TCERG1L: variants seen among roughly 807,000 people sequenced by gnomAD.
TCERG1L encodes the protein transcription elongation regulator 1 like.
TCERG1L carries 37 observed loss-of-function variants against 56.3 expected under a neutral mutation model. That is an observed-to-expected ratio of 0.66 (90% CI 0.51 to 0.87). The LOEUF (loss-of-function observed/expected upper bound fraction) is 0.87. TCERG1L is among the 40% of genes least tolerant of loss of function. TCERG1L has a pLI of 0.00. For synonymous variants in TCERG1L, 324 were observed against 326.3 expected (o/e 0.99, Z 0.08); for missense variants, 799 against 774.2 (o/e 1.03, Z -0.38).
chr10:131,113,446 T>C lies in TCERG1L; in HGVS notation c.1395+3353A>G, dbSNP rs1400326314. On this transcript the variant is annotated intron_variant, in intron 9 of 11. Coordinates refer to ENST00000368642, the MANE Select transcript of TCERG1L (RefSeq NM_174937.4). ...AGGGAAGGGCACCAGATGTTACTCA[T>C]CCGGGGAGACGGACAGGGCAAGGCT... is the stretch of plus-strand genomic sequence containing the variant. Among the ~76,000 whole-genome samples, 3 of 142,030 alleles carry C rather than the reference T, an allele frequency of 2.1e-5. 1 individual carries two copies. The highest frequency in any genetic ancestry group is 1.4e-4 in the Admixed American group (2 of 14,428). 93.2% of individuals were successfully genotyped at this position (142,030 alleles called of 152,430 possible).
intron 4 of TCERG1L, among the ~76,000 whole-genome samples, chr10:131,258,936 G>A (rs1846204452): frequency 6.6e-6 from 1 of 152,088 alleles, no homozygotes; most frequent in Non-Finnish European, 1.5e-5. Context: ...CAATGTACTA[G>A]TAGGTTTAAC....
intron 4 of TCERG1L, among the ~76,000 whole-genome samples, chr10:131,241,926 A>T (rs1564823711): frequency 6.6e-6 from 1 of 152,146 alleles, no homozygotes; most frequent in Non-Finnish European, 1.5e-5. Flanking sequence ...ACAGTAACAC[A>T]AACTCAGTGA....
chr10:131,290,921 T>G (rs1216903920), intron 3 of TCERG1L, among the ~76,000 whole-genome samples: 2 of 152,196 alleles, frequency 1.3e-5, no homozygotes, highest in Non-Finnish European at 2.9e-5. Flanking sequence ...ATTTAAAGGA[T>G]CTAAAAGTTA....
At chr10:131,107,554 G>C (rs1361336027) in intron 9 of TCERG1L, among the ~76,000 whole-genome samples, 2 of 152,122 alleles carry the variant, frequency 1.3e-5, no homozygotes, top group Non-Finnish European at 2.9e-5. Context: ...GTGTGAAACA[G>C]GGTCTTTCCC....
intron 4 of TCERG1L, among the ~76,000 whole-genome samples, chr10:131,224,827 T>C (rs542048708): frequency 6.6e-6 from 1 of 150,404 alleles, no homozygotes; most frequent in East Asian, 2.0e-4. Flanking sequence ...TAACAACCTC[T>C]GGCAAGATCT....
At chr10:131,232,516 A>C (rs564913674) in intron 4 of TCERG1L, among the ~76,000 whole-genome samples, 115 of 152,362 alleles carry the variant, frequency 7.5e-4, no homozygotes, top group South Asian at 1.9e-3. Context: ...AATCCATCTC[A>C]TGTGCTTTGG....
In TCERG1L at chr10:131,166,822, C is replaced by T. The variant is rs1455647837; in HGVS notation, c.920G>A (p.Ser307Asn). ...CTTGTCTTCTTTGTCTCCATCCCGG[C>T]TCTTCTGGGCCCGCAGCATCAGGGC... is the stretch of plus-strand genomic sequence containing the variant. ...PPALMLRAQK[S>N]RDGDKEDKEP... The change falls in exon 5 of 12, where the codon AGC becomes AAC. Residue 307 changes from serine (S) to asparagine (N), a missense_variant. Physicochemically the swap from Ser to Asn is conservative, Grantham distance 46. Coordinates refer to ENST00000368642, the MANE Select transcript of TCERG1L (RefSeq NM_174937.4). The T allele has an allele frequency of 6.2e-7, 1 of 1,613,916 alleles. No homozygotes were observed. The highest frequency in any genetic ancestry group is 2.2e-5 in the East Asian group (1 of 44,880).
intron 3 of TCERG1L, among the ~76,000 whole-genome samples, chr10:131,277,512 A>C (rs1846405697): frequency 6.6e-6 from 1 of 152,200 alleles, no homozygotes; most frequent in East Asian, 1.9e-4. Context: ...ACTGATGCCC[A>C]CAGTCATGTC....
chr10:131,171,179 C>CAAAAA (rs761036607), intron 4 of TCERG1L, among the ~76,000 whole-genome samples: 65,304 of 97,648 alleles, frequency 0.67, 17,845 homozygotes, highest in South Asian at 0.77. Flanking sequence ...AAACACACAC[C>CAAAAA]AAAAAAAAGA....
chr10:131,189,819 T>C (rs956494679), intron 4 of TCERG1L, among the ~76,000 whole-genome samples: 12 of 152,200 alleles, frequency 7.9e-5, no homozygotes, highest in Admixed American at 2.6e-4. Flanking sequence ...GTTCCTTTTT[T>C]CTGAATCCTC....
At chr10:131,253,255 G>A (rs76507562) in intron 4 of TCERG1L, among the ~76,000 whole-genome samples, 3,263 of 152,290 alleles carry the variant, frequency 0.021, 77 homozygotes, top group East Asian at 0.066. Context: ...GGGTGGGACT[G>A]ACAATGGTGC....
At chr10:131,231,283 C>A (rs1845849239) in intron 4 of TCERG1L, among the ~76,000 whole-genome samples, 1 of 152,216 alleles carries the variant, frequency 6.6e-6, no homozygotes, top group Non-Finnish European at 1.5e-5. Context: ...AAGCTGTGAT[C>A]ATAGAGCTAC....
intron 7 of TCERG1L, among the ~76,000 whole-genome samples, chr10:131,142,753 T>C (rs944967972): frequency 6.6e-6 from 1 of 152,100 alleles, no homozygotes; most frequent in African/African-American, 2.4e-5. Context: ...CTTTTTAAAT[T>C]CCCTCTTCTG....
intron 4 of TCERG1L, among the ~76,000 whole-genome samples, chr10:131,183,316 C>T (rs12221234): frequency 0.022 from 3,364 of 152,226 alleles, 74 homozygotes; most frequent in East Asian, 0.074. Context: ...AATAATCAAT[C>T]CTATACTTAC....
chr10:131,257,655 A>G (rs1423153154), intron 4 of TCERG1L, among the ~76,000 whole-genome samples: 3 of 152,108 alleles, frequency 2.0e-5, no homozygotes, highest in Admixed American at 6.5e-5. Context: ...ATTCTCTACC[A>G]TGGGGGCTGC....
intron 3 of TCERG1L, among the ~76,000 whole-genome samples, chr10:131,277,146 G>A (rs923396248): frequency 6.6e-6 from 1 of 152,118 alleles, no homozygotes; most frequent in Non-Finnish European, 1.5e-5. Context: ...TAGGAGCTGT[G>A]AGGAAGAGCA....
intron 4 of TCERG1L, among the ~76,000 whole-genome samples, chr10:131,256,641 T>C (rs1238764631): frequency 6.6e-6 from 1 of 152,008 alleles, no homozygotes; most frequent in Non-Finnish European, 1.5e-5. Context: ...ATCCCAGCAC[T>C]TGGGGAGGCG....
At chr10:131,207,435 T>C (rs1437455006) in intron 4 of TCERG1L, among the ~76,000 whole-genome samples, 1 of 152,200 alleles carries the variant, frequency 6.6e-6, no homozygotes, top group Non-Finnish European at 1.5e-5. Context: ...GTTCACTGTT[T>C]ACAGGTGACA....
At position 131,311,253 on chromosome 10, in the gene TCERG1L, G is replaced by A. The variant is rs928922303; in HGVS notation, c.342+41C>T. 7 of 1,192,108 alleles carry A rather than the reference G, an allele frequency of 5.9e-6. No individual in the cohort carries two copies. The African/African-American group carries it at 1.1e-4, about 19-fold the overall frequency. The allele number at this position is 1,192,108 out of a possible 1,614,324, so 73.8% of individuals were successfully genotyped here. A position where few individuals can be genotyped will look rare whatever the true frequency, so the allele number is the denominator to read the frequency against. On this transcript the variant is annotated intron_variant, in intron 1 of 11. Transcript: ENST00000368642. The surrounding 1 kb of genome is among the most constrained non-coding windows in gnomAD (Gnocchi z 4.0). ...GGGCAGGGCGCGCCCAGGAGCAGGG[G>A]AGACGGCGACCCGGGCCGAGGCGGG...
Sources: allele counts gnomAD v4.1 joint callset (sites outside exome capture counted in the v4.1 genomes callset), GRCh38; gene constraint gnomAD v4.1.1; non-coding constraint Gnocchi (gnomAD v3.1); transcripts MANE v1.5; gene names NCBI Gene and HGNC (gene_info 2026-07-23, HGNC 2026-07-21).